The following MARCHF1 variants were observed in gnomAD, a reference collection of about 807,000 sequenced individuals.
The protein encoded by MARCHF1 is membrane associated ring-CH-type finger 1, also known as E3 ubiquitin-protein ligase MARCHF1.
A neutral mutation model predicts 54.2 loss-of-function variants in MARCHF1; 40 were observed. The observed-to-expected ratio is 0.74, with a 90% CI of 0.57 to 0.96. The LOEUF is 0.96. MARCHF1 is among the 40% of genes least tolerant of loss of function. The pLI, the probability that MARCHF1 is intolerant of heterozygous loss-of-function variation, is 0.00. For synonymous variants in MARCHF1, 236 were observed against 236.3 expected (o/e 1.00, Z 0.01); for missense variants, 586 against 656.5 (o/e 0.89, Z 1.17).
chr4:164,189,182 T>C, intron 1 of MARCHF1: 1 of 561,580 alleles, frequency 1.8e-6, no homozygotes, highest in South Asian at 1.9e-5. Flanking sequence ...TTCATCAAGT[T>C]GTACAAAAAG....
intron 1 of MARCHF1, among the ~76,000 whole-genome samples, chr4:164,299,220 T>G (rs975432874): frequency 1.3e-5 from 2 of 152,148 alleles, no homozygotes; most frequent in African/African-American, 4.8e-5. Flanking sequence ...CCATTAGAGC[T>G]TTCTTCTCTC....
intron 1 of MARCHF1, among the ~76,000 whole-genome samples, chr4:164,376,935 C>T (rs532919031): frequency 1.3e-5 from 2 of 152,272 alleles, no homozygotes; most frequent in East Asian, 3.9e-4. Flanking sequence ...CAGATCATTG[C>T]TCACCACAGT....
intron 2 of MARCHF1, among the ~76,000 whole-genome samples, chr4:164,034,634 GTA>G (rs371581939): frequency 5.3e-5 from 8 of 150,626 alleles, no homozygotes; most frequent in East Asian, 1.9e-4. Flanking sequence ...ATGTGTGTGT[GTA>G]TATATATATA....
At chr4:164,021,854 CA>C (rs71777955) in intron 2 of MARCHF1, among the ~76,000 whole-genome samples, 62,191 of 137,662 alleles carry the variant, frequency 0.45, 15,047 homozygotes, top group Non-Finnish European at 0.57. Flanking sequence ...ACCTCCATGT[CA>C]AAAAAAAAAA....
intron 1 of MARCHF1, among the ~76,000 whole-genome samples, chr4:164,377,106 TTCTGGAATATGTTA>T (rs1731216099): frequency 6.6e-6 from 1 of 152,218 alleles, no homozygotes; most frequent in African/African-American, 2.4e-5. Flanking sequence ...AGTCAGTGAT[TTCTGGAATATGTTA>T]TCTGGAATAT....
chr4:163,831,785 A>G (rs996897648), intron 4 of MARCHF1, among the ~76,000 whole-genome samples: 2 of 152,188 alleles, frequency 1.3e-5, no homozygotes, highest in African/African-American at 4.8e-5. Flanking sequence ...GCTGAAATTC[A>G]GCATTTCCAA....
rs1407834829 is a variant in MARCHF1, at chr4:163,525,706, T to C, written c.*3042A>G. 1.3e-5 allele frequency: 2 copies of C among 152,042 alleles called. No homozygotes were observed. Among genetic ancestry groups the C allele is most frequent in the Non-Finnish European group, 2.9e-5 (2 of 67,984 alleles). 9.4% of individuals were successfully genotyped at this position (152,042 alleles called of 1,614,324 possible). A position where few individuals can be genotyped will look rare whatever the true frequency, so the allele number is the denominator to read the frequency against. On this transcript the variant is annotated 3_prime_UTR_variant, in exon 10 of 10. Transcript: ENST00000514618. ...CTGTAATTTCATTCTTCAATTTTAG[T>C]CCTTTTTTTTTCAATTCCATTTTAT...
At chr4:164,265,711 C>T (rs528518796) in intron 1 of MARCHF1, among the ~76,000 whole-genome samples, 1 of 152,086 alleles carries the variant, frequency 6.6e-6, no homozygotes, top group East Asian at 1.9e-4. Context: ...TTTCCCAGAT[C>T]CAGCCACTCT....
chr4:164,351,755 G>A (rs1344742918), intron 1 of MARCHF1, among the ~76,000 whole-genome samples: 1 of 152,130 alleles, frequency 6.6e-6, no homozygotes, highest in Non-Finnish European at 1.5e-5. Flanking sequence ...AACAAAGCTG[G>A]ATGGAGAATG....
At chr4:163,532,164 T>C (rs1300680789) in intron 9 of MARCHF1, among the ~76,000 whole-genome samples, 1 of 151,776 alleles carries the variant, frequency 6.6e-6, no homozygotes, top group Non-Finnish European at 1.5e-5. Context: ...AAGAATAAAG[T>C]TTTTGAAAAC....
intron 1 of MARCHF1, among the ~76,000 whole-genome samples, chr4:164,374,574 TA>T: frequency 6.6e-6 from 1 of 152,102 alleles, no homozygotes; most frequent in South Asian, 2.1e-4. Flanking sequence ...TAGCATCTAT[TA>T]TCACTTCTTA....
At chr4:163,988,192 G>C (rs1419228968) in intron 3 of MARCHF1, among the ~76,000 whole-genome samples, 1 of 152,144 alleles carries the variant, frequency 6.6e-6, no homozygotes, top group South Asian at 2.1e-4. Context: ...ACCCAAAACA[G>C]CCGGTTGTAA....
At chr4:163,765,715 G>A (rs1257973557) in intron 4 of MARCHF1, among the ~76,000 whole-genome samples, 1 of 151,520 alleles carries the variant, frequency 6.6e-6, no homozygotes, top group African/African-American at 2.4e-5. Context: ...TACTTTCATG[G>A]TGTCCAAGTG....
rs532565380 is a variant in MARCHF1, at chr4:164,306,627, C to T, written c.-323+77243G>A. 7.2e-5 allele frequency among the ~76,000 whole-genome samples: 11 copies of T among 152,140 alleles called. No homozygotes were observed. In the South Asian group the frequency reaches 1.5e-3, roughly 20 times the overall value. On this transcript the variant is annotated intron_variant, in intron 1 of 9. Transcript: ENST00000514618. ...AATCTATATCTGCTGTAACAAAATG[C>T]GAGATATTCCTTCTAAAACTAAGAT...
chr4:163,599,610 C>G (rs181424146), intron 7 of MARCHF1, among the ~76,000 whole-genome samples: 3 of 152,146 alleles, frequency 2.0e-5, no homozygotes, highest in African/African-American at 7.2e-5. Context: ...TGAACACACT[C>G]TATTGCAATT....
At chr4:163,721,430 C>G (rs966707379) in intron 4 of MARCHF1, among the ~76,000 whole-genome samples, 4 of 152,032 alleles carry the variant, frequency 2.6e-5, no homozygotes, top group African/African-American at 9.7e-5. Context: ...ATTTGGTTTG[C>G]CAGTATTTTA....
intron 1 of MARCHF1, among the ~76,000 whole-genome samples, chr4:164,117,173 G>A (rs537836251): frequency 6.6e-5 from 10 of 152,088 alleles, no homozygotes; most frequent in South Asian, 2.1e-4. Flanking sequence ...CAGGAGAATC[G>A]CTTGAAGCTG....
At chr4:164,106,691 C>T (rs1755709374) in intron 2 of MARCHF1, among the ~76,000 whole-genome samples, 1 of 147,352 alleles carries the variant, frequency 6.8e-6, no homozygotes, top group Non-Finnish European at 1.5e-5. Context: ...GGGTGCAGCG[C>T]ACCAGCATGG....
At chr4:163,698,783 G>A (rs1744712766) in intron 5 of MARCHF1, among the ~76,000 whole-genome samples, 1 of 152,182 alleles carries the variant, frequency 6.6e-6, no homozygotes, top group Admixed American at 6.6e-5. Context: ...AGTATTTGGT[G>A]TGACAAAGGC....
Sources: gnomAD v4.1 joint callset for allele counts (sites outside exome capture counted in the v4.1 genomes callset) on GRCh38, gnomAD v4.1.1 for gene constraint, MANE v1.5 for transcripts, NCBI Gene and HGNC (gene_info 2026-07-23, HGNC 2026-07-21) for gene names.